The following USP7 variants were observed in gnomAD, a reference collection of about 807,000 sequenced individuals.
The protein encoded by USP7 is ubiquitin specific peptidase 7, also known as ubiquitin C-terminal hydrolase 7.
Under a neutral mutation model 162.9 loss-of-function variants are expected in USP7, and 9 were observed. The ratio of observed to expected loss-of-function variants is 0.06; its 90% confidence interval spans 0.03 to 0.10. USP7 has a LOEUF of 0.10. Among genes scored for constraint, USP7 ranks in the 10% least tolerant of loss-of-function variants. The pLI is 1.00. For missense variants in USP7, 715 were observed against 1,373.7 expected (o/e 0.52, Z 7.58); for synonymous variants, 562 against 475.9 (o/e 1.18, Z -2.35).
intron 10 of USP7, among the ~76,000 whole-genome samples, chr16:8,911,565 C>A (rs568065703): frequency 6.6e-6 from 1 of 152,192 alleles, no homozygotes; most frequent in Non-Finnish European, 1.5e-5. Context: ...CGGACACATG[C>A]GGTACAGGAC....
At chr16:8,916,234 C>A (rs2447913) in intron 8 of USP7, among the ~76,000 whole-genome samples, 145,135 of 152,254 alleles carry the variant, frequency 0.95, 69,458 homozygotes, top group Non-Finnish European at 1. Flanking sequence ...TTAATAACTC[C>A]TGTATATATA....
At chr16:8,959,192 C>T (rs141105453) in intron 1 of USP7, among the ~76,000 whole-genome samples, 1,851 of 152,228 alleles carry the variant, frequency 0.012, 8 homozygotes, top group Non-Finnish European at 0.015. Flanking sequence ...AACTGAGGAA[C>T]CAAGAGCTTA....
intron 2 of USP7, among the ~76,000 whole-genome samples, chr16:8,923,840 G>T (rs1445982159): frequency 1.3e-5 from 2 of 152,292 alleles, no homozygotes; most frequent in Middle Eastern, 3.4e-3. Context: ...ACAGAGCACG[G>T]AACACACAGG....
intron 11 of USP7, among the ~76,000 whole-genome samples, chr16:8,909,241 C>T (rs1010292727): frequency 3.3e-5 from 5 of 152,226 alleles, no homozygotes; most frequent in African/African-American, 1.2e-4. Context: ...GGGGCCCTCA[C>T]TCCATGTCTG....
chr16:8,960,842 GAC>G (rs1409198977), intron 1 of USP7, among the ~76,000 whole-genome samples: 1 of 152,198 alleles, frequency 6.6e-6, no homozygotes, highest in Non-Finnish European at 1.5e-5. Context: ...GATGGCCTAA[GAC>G]ACAAGTAGCT....
At position 8,903,408 on chromosome 16, in the gene USP7, A is replaced by T. The variant is rs2061808895; in HGVS notation, c.1705-6T>A. The T allele has an allele frequency of 1.2e-6, 2 of 1,612,658 alleles. No individual in the cohort carries two copies. The highest frequency in any genetic ancestry group is 1.7e-5 in the Admixed American group (1 of 59,896). ...AACTGGTCCTCTGCGACTATCTGAA[A>T]ATATGTATGAAAGCACAGAAAAGAC... On this transcript the variant is annotated splice_region_variant and splice_polypyrimidine_tract_variant and intron_variant, in intron 15 of 30. Coordinates refer to ENST00000344836, the MANE Select transcript of USP7 (RefSeq NM_003470.3).
intron 1 of USP7, among the ~76,000 whole-genome samples, chr16:8,931,333 C>G (rs1167663809): frequency 6.6e-6 from 1 of 152,092 alleles, no homozygotes; most frequent in African/African-American, 2.4e-5. Flanking sequence ...GGATTAGAAG[C>G]ATGTGCCACC....
chr16:8,931,317 T>G (rs1215171862), intron 1 of USP7, among the ~76,000 whole-genome samples: 1 of 152,056 alleles, frequency 6.6e-6, no homozygotes, highest in Admixed American at 6.6e-5. Context: ...GCCTCCTGAG[T>G]AGCTGGGATT....
intron 1 of USP7, among the ~76,000 whole-genome samples, chr16:8,955,704 C>CAA (rs58029349): frequency 0.4 from 39,748 of 98,814 alleles, 10,283 homozygotes; most frequent in East Asian, 0.68. Context: ...GATTCCATCT[C>CAA]AAAAAAAAAA....
intron 1 of USP7, among the ~76,000 whole-genome samples, chr16:8,934,173 T>C (rs780730967): frequency 2.6e-5 from 4 of 152,174 alleles, no homozygotes; most frequent in Non-Finnish European, 5.9e-5. Context: ...GATGCAAAAA[T>C]GAGGGCTCAT....
rs762501283 is a variant in USP7 at position 8,921,327 on chromosome 16, A to C, written c.384-32T>G. On this transcript the variant is annotated intron_variant, in intron 3 of 30. Transcript: ENST00000344836. ...AAAAGAATAATCTGAGCCTTAGTTG[A>C]CATTATTTACCAGATGTTATACATT... 1.9e-6 allele frequency: 3 copies of C among 1,603,074 alleles called. No homozygotes were observed. In the Admixed American group the frequency reaches 5.1e-5, roughly 27 times the overall value.
intron 11 of USP7, among the ~76,000 whole-genome samples, 196 bp downstream of exon 11, chr16:8,910,549 G>C (rs1040163768): frequency 6.6e-6 from 1 of 152,008 alleles, no homozygotes; most frequent in African/African-American, 2.4e-5. Context: ...GCTTCTACAG[G>C]ATAAACCAGC....
chr16:8,911,577 G>A (rs550512878), intron 10 of USP7, among the ~76,000 whole-genome samples: 2 of 152,232 alleles, frequency 1.3e-5, no homozygotes, highest in Non-Finnish European at 2.9e-5. Context: ...GTACAGGACA[G>A]GGATCCCTGA....
chr16:8,952,897 C>T (rs1485113083), intron 1 of USP7, among the ~76,000 whole-genome samples: 3 of 151,796 alleles, frequency 2.0e-5, no homozygotes, highest in Non-Finnish European at 2.9e-5. Flanking sequence ...AGTGCACTGG[C>T]GCAATCTCGG....
chr16:8,955,768 T>C (rs1318047450), intron 1 of USP7, among the ~76,000 whole-genome samples: 1 of 151,354 alleles, frequency 6.6e-6, no homozygotes, highest in East Asian at 1.9e-4. Flanking sequence ...TATAATTTAT[T>C]CCCCAAAGTC....
At chr16:8,940,035 T>C (rs893724279) in intron 1 of USP7, among the ~76,000 whole-genome samples, 1 of 151,966 alleles carries the variant, frequency 6.6e-6, no homozygotes, top group Non-Finnish European at 1.5e-5. Flanking sequence ...GAGGCGAAGG[T>C]TGTAGTGAGC....
chr16:8,909,812 G>C (rs2061916453), intron 11 of USP7, among the ~76,000 whole-genome samples: 1 of 152,098 alleles, frequency 6.6e-6, no homozygotes, highest in Non-Finnish European at 1.5e-5. Flanking sequence ...TGTAGTCCCA[G>C]CTACTTGGGA....
In USP7 at chr16:8,917,173, A is replaced by G. The variant is rs1596374443; in HGVS notation, c.721-17T>C. 1 of 1,579,690 alleles carries G rather than the reference A, an allele frequency of 6.3e-7. No individual in the cohort carries two copies. The highest frequency in any genetic ancestry group is 1.4e-5 in the African/African-American group (1 of 72,998). ...GTACACAGCCTGAAACAATTAAGAA[A>G]TAAGAATTTTTACTCTGAGAAGATG... On this transcript the variant is annotated splice_polypyrimidine_tract_variant and intron_variant, in intron 6 of 30. Coordinates refer to ENST00000344836, the MANE Select transcript of USP7 (RefSeq NM_003470.3).
chr16:8,934,478 T>G (rs1182112826), intron 1 of USP7, among the ~76,000 whole-genome samples: 2 of 152,292 alleles, frequency 1.3e-5, no homozygotes, highest in East Asian at 3.9e-4. Flanking sequence ...GTGGGGGAAA[T>G]GCGTAAGCTC....
Sources: allele counts gnomAD v4.1 joint callset (sites outside exome capture counted in the v4.1 genomes callset), GRCh38; gene constraint gnomAD v4.1.1; transcripts MANE v1.5; gene names NCBI Gene and HGNC (gene_info 2026-07-23, HGNC 2026-07-21).